The following CYP19A1 variants were observed in gnomAD, a reference collection of about 807,000 sequenced individuals.
The protein encoded by CYP19A1 is aromatase.
A neutral mutation model predicts 44.4 loss-of-function variants in CYP19A1; 32 were observed. The observed-to-expected ratio is 0.72, with a 90% CI of 0.54 to 0.97. The LOEUF (loss-of-function observed/expected upper bound fraction) is 0.97, where lower values mean the gene tolerates loss of function less well. CYP19A1 is among the 50% of genes least tolerant of loss of function. The pLI, the probability that CYP19A1 is intolerant of heterozygous loss-of-function variation, is 0.00. For synonymous variants in CYP19A1, 212 were observed against 215.6 expected (o/e 0.98, Z 0.14); for missense variants, 598 against 637.8 (o/e 0.94, Z 0.67).
chr15:51,279,543 C>T (rs1246211797), intron 1 of CYP19A1, among the ~76,000 whole-genome samples: 1 of 152,164 alleles, frequency 6.6e-6, no homozygotes, highest in Non-Finnish European at 1.5e-5. Flanking sequence ...GGCTAAGGCT[C>T]AGAAGAAATT....
Position 51,309,504 on chromosome 15 carries a change from C to G in CYP19A1, c.-39+28991G>C, listed in dbSNP as rs543263334. 2.6e-5 allele frequency among the ~76,000 whole-genome samples: 4 copies of G among 152,308 alleles called. No individual in the cohort carries two copies. The East Asian group carries it at 7.7e-4, about 29-fold the overall frequency. On this transcript the variant is annotated intron_variant, in intron 1 of 9. Coordinates refer to ENST00000396402, the MANE Select transcript of CYP19A1 (RefSeq NM_000103.4). ...ATCTACTAAAAGTGCTATCTGAACA[C>G]TCTCCATTGTCTTCACTTCCCTTTT...
At chr15:51,231,794 C>G (rs1384168480) in intron 3 of CYP19A1, among the ~76,000 whole-genome samples, 2 of 152,042 alleles carry the variant, frequency 1.3e-5, no homozygotes, top group Non-Finnish European at 2.9e-5. Context: ...TCAGCCCCAG[C>G]TGAAGACTTT....
At chr15:51,234,490 C>T (rs190139558) in intron 3 of CYP19A1, among the ~76,000 whole-genome samples, 7 of 152,228 alleles carry the variant, frequency 4.6e-5, no homozygotes, top group Admixed American at 1.3e-4. Context: ...CAGGAATTGT[C>T]TTTGGAAATT....
chr15:51,294,915 T>G (rs1467494362), intron 1 of CYP19A1, among the ~76,000 whole-genome samples: 1 of 151,528 alleles, frequency 6.6e-6, no homozygotes, highest in African/African-American at 2.4e-5. Flanking sequence ...AGAAATAGGA[T>G]GGTTGCTGTG....
chr15:51,215,165 T>C lies in CYP19A1; in HGVS notation c.926A>G (p.Asp309Gly), dbSNP rs771766414. 1 of 1,614,100 alleles carries C rather than the reference T, an allele frequency of 6.2e-7. No individual in the cohort carries two copies. Among genetic ancestry groups the C allele is most frequent in the Non-Finnish European group, 8.5e-7 (1 of 1,179,996 alleles). The change falls in exon 8 of 10, where the codon GAC (aspartate) becomes GGC (glycine). Residue 309 changes from aspartate (D) to glycine (G), a missense_variant. Physicochemically the swap from Asp to Gly is moderately conservative, Grantham distance 94. Coordinates refer to ENST00000396402, the MANE Select transcript of CYP19A1 (RefSeq NM_000103.4). ...GAAGAACAAAGAGACAGACATGGTG[T>C]CAGGAGCTGCGATCAGCATTTCCAA... ...CILEMLIAAPDTMSVSLFFML... is the reference protein window; with the variant it reads ...CILEMLIAAPGTMSVSLFFML...
At chr15:51,316,188 T>G (rs183060328) in intron 1 of CYP19A1, 2 of 152,294 alleles carry the variant, frequency 1.3e-5, no homozygotes. Context: ...TGAGTTATTA[T>G]TCTATGAAAA....
At chr15:51,289,762 G>A (rs1305178566) in intron 1 of CYP19A1, among the ~76,000 whole-genome samples, 4 of 152,276 alleles carry the variant, frequency 2.6e-5, no homozygotes, top group African/African-American at 4.8e-5. Flanking sequence ...AGCTCACCCC[G>A]TGAAGGGAAT....
At chr15:51,223,553 CCT>C (rs138333568) in intron 4 of CYP19A1, among the ~76,000 whole-genome samples, 21 of 136,638 alleles carry the variant, frequency 1.5e-4, no homozygotes, top group Non-Finnish European at 1.8e-4. Flanking sequence ...AGAAGACTAT[CCT>C]CTCTCTCTCT....
intron 1 of CYP19A1, among the ~76,000 whole-genome samples, chr15:51,327,358 C>G (rs554733540): frequency 1.3e-5 from 2 of 152,288 alleles, no homozygotes; most frequent in East Asian, 1.9e-4. Flanking sequence ...GTAGAAAACA[C>G]AAAGCAGTCT....
intron 1 of CYP19A1, among the ~76,000 whole-genome samples, chr15:51,263,826 C>G (rs1335524711): frequency 6.6e-6 from 1 of 152,204 alleles, no homozygotes; most frequent in Non-Finnish European, 1.5e-5. Flanking sequence ...ATGGAGGGAG[C>G]TTCTAGAAAA....
At chr15:51,241,899 C>T (rs763054930) in intron 2 of CYP19A1, among the ~76,000 whole-genome samples, 2 of 152,096 alleles carry the variant, frequency 1.3e-5, no homozygotes, top group Non-Finnish European at 2.9e-5. Context: ...AGACTAGGCC[C>T]ACCACACTTA....
intron 1 of CYP19A1, among the ~76,000 whole-genome samples, chr15:51,268,557 C>G (rs1257379059): frequency 7.3e-6 from 1 of 137,584 alleles, no homozygotes; most frequent in African/African-American, 2.7e-5. Context: ...TCAAGCAAGG[C>G]TATGATGGAT....
chr15:51,238,033 G>C (rs2033518652), intron 2 of CYP19A1, among the ~76,000 whole-genome samples: 1 of 152,186 alleles, frequency 6.6e-6, no homozygotes, highest in Non-Finnish European at 1.5e-5. Flanking sequence ...GTAAGCTTTT[G>C]CTTGAATCAT....
At chr15:51,234,692 G>A (rs1319437797) in intron 3 of CYP19A1, among the ~76,000 whole-genome samples, 2 of 151,964 alleles carry the variant, frequency 1.3e-5, no homozygotes, top group Non-Finnish European at 2.9e-5. Flanking sequence ...CCGGGGAGAG[G>A]CCCTCCTGCC....
intron 1 of CYP19A1, among the ~76,000 whole-genome samples, chr15:51,284,652 T>G (rs1013664868): frequency 6.6e-6 from 1 of 152,208 alleles, no homozygotes; most frequent in Non-Finnish European, 1.5e-5. Flanking sequence ...TGCATTTAGC[T>G]TTATTAACAT....
intron 3 of CYP19A1, among the ~76,000 whole-genome samples, chr15:51,230,885 G>C (rs962939055): frequency 6.6e-6 from 1 of 152,122 alleles, no homozygotes; most frequent in Admixed American, 6.5e-5. Flanking sequence ...ACCTCCCAAA[G>C]TGCTGGCATT....
intron 3 of CYP19A1, among the ~76,000 whole-genome samples, chr15:51,229,423 A>G (rs1261689458): frequency 6.6e-6 from 1 of 151,412 alleles, no homozygotes; most frequent in African/African-American, 2.4e-5. Context: ...TATTGTATAA[A>G]TAACTTATTA....
At chr15:51,278,934 A>G (rs1229264732) in intron 1 of CYP19A1, 1 of 152,200 alleles carries the variant, frequency 6.6e-6, no homozygotes, top group Non-Finnish European at 1.5e-5. Context: ...ACATTTTTAA[A>G]TGAAAGACTC....
intron 1 of CYP19A1, among the ~76,000 whole-genome samples, chr15:51,315,193 C>A (rs1486562699): frequency 6.6e-6 from 1 of 151,642 alleles, no homozygotes; most frequent in Admixed American, 6.6e-5. Context: ...TGTTTCTCAA[C>A]ACTCCCCACC....
Sources: allele counts gnomAD v4.1 joint callset (sites outside exome capture counted in the v4.1 genomes callset), GRCh38; gene constraint gnomAD v4.1.1; transcripts MANE v1.5; gene names NCBI Gene and HGNC (gene_info 2026-07-23, HGNC 2026-07-21).